AGBL1: variants seen among roughly 807,000 people sequenced by gnomAD.
The protein encoded by AGBL1 is cytosolic carboxypeptidase 4.
Under a neutral mutation model 118.9 loss-of-function variants are expected in AGBL1, and 130 were observed. That is an observed-to-expected ratio of 1.09 (90% CI 0.95 to 1.26). The LOEUF (loss-of-function observed/expected upper bound fraction) is 1.26, where lower values mean the gene tolerates loss of function less well. Among genes scored for constraint, AGBL1 ranks in the 50% most tolerant of loss-of-function variants. AGBL1 has a pLI of 0.00. For synonymous variants in AGBL1, 555 were observed against 478.9 expected (o/e 1.16, Z -2.08); for missense variants, 1,584 against 1,298.1 (o/e 1.22, Z -3.38).
chr15:86,794,180 A>G (rs1268258275), intron 22 of AGBL1, among the ~76,000 whole-genome samples: 2 of 152,246 alleles, frequency 1.3e-5, no homozygotes, highest in Non-Finnish European at 2.9e-5. Context: ...TGCAATAGCC[A>G]AGCAGTGAAA....
At chr15:86,129,194 T>C (rs910091718) in intron 1 of AGBL1, among the ~76,000 whole-genome samples, 1 of 152,248 alleles carries the variant, frequency 6.6e-6, no homozygotes, top group African/African-American at 2.4e-5. Context: ...TATTGATTTA[T>C]TTTCAAATAG....
chr15:86,792,713 G>T (rs774354341), intron 22 of AGBL1, among the ~76,000 whole-genome samples: 1 of 152,102 alleles, frequency 6.6e-6, no homozygotes, highest in African/African-American at 2.4e-5. Flanking sequence ...AGGCCGAGAT[G>T]GGAGGATTGC....
intron 22 of AGBL1, among the ~76,000 whole-genome samples, chr15:86,856,921 G>A (rs998731390): frequency 1.3e-5 from 2 of 152,196 alleles, no homozygotes; most frequent in Non-Finnish European, 2.9e-5. Context: ...CATGACTAGA[G>A]AGTGGTGAAG....
chr15:86,933,892 T>C (rs960689720), intron 23 of AGBL1, among the ~76,000 whole-genome samples: 4 of 152,218 alleles, frequency 2.6e-5, no homozygotes, highest in Non-Finnish European at 5.9e-5. Context: ...GAGATCTTGG[T>C]TGAGGTTCTA....
At chr15:86,443,356 A>G (rs1338963553) in intron 18 of AGBL1, among the ~76,000 whole-genome samples, 1 of 152,192 alleles carries the variant, frequency 6.6e-6, no homozygotes, top group Admixed American at 6.5e-5. Context: ...TCACATACTT[A>G]CGGGGTATGT....
intron 17 of AGBL1, among the ~76,000 whole-genome samples, chr15:86,353,278 C>T (rs2080660418): frequency 6.6e-6 from 1 of 152,198 alleles, no homozygotes; most frequent in Non-Finnish European, 1.5e-5. Context: ...TTTCACAAAA[C>T]TCTATTTGCA....
chr15:86,769,308 C>A (rs1262311495), intron 22 of AGBL1, among the ~76,000 whole-genome samples: 1 of 151,634 alleles, frequency 6.6e-6, no homozygotes, highest in Non-Finnish European at 1.5e-5. Flanking sequence ...AGTTCTGTAT[C>A]TTCATTATCC....
chr15:86,190,772 T>C (rs2077706980), intron 5 of AGBL1, among the ~76,000 whole-genome samples: 1 of 152,112 alleles, frequency 6.6e-6, no homozygotes. Flanking sequence ...TTATGTAGAA[T>C]GAATAAAACA....
At chr15:86,602,870 G>T (rs1003656918) in intron 21 of AGBL1, among the ~76,000 whole-genome samples, 2 of 152,138 alleles carry the variant, frequency 1.3e-5, no homozygotes, top group Non-Finnish European at 2.9e-5. Context: ...TTCCTTCTAA[G>T]TGGAATGCTA....
At chr15:86,427,804 A>G (rs1030097119) in intron 18 of AGBL1, among the ~76,000 whole-genome samples, 2 of 152,088 alleles carry the variant, frequency 1.3e-5, no homozygotes, top group Non-Finnish European at 2.9e-5. Flanking sequence ...GTTTAGGCCT[A>G]TTCTTCCCAG....
chr15:86,667,202 CTATGTATGTATCTATG>C (rs56365264), intron 21 of AGBL1, among the ~76,000 whole-genome samples: 67,379 of 130,110 alleles, frequency 0.52, 16,780 homozygotes, highest in Middle Eastern at 0.67. Context: ...ATTGAGATAT[CTATGTATGTATCTATG>C]TATGTATGTA....
chr15:86,622,157 G>A (rs1324556693), intron 21 of AGBL1, among the ~76,000 whole-genome samples: 2 of 151,964 alleles, frequency 1.3e-5, no homozygotes, highest in Non-Finnish European at 2.9e-5. Flanking sequence ...GTGAAACGTT[G>A]TCTCTACTAA....
At chr15:86,517,587 C>T (rs922990472) in intron 18 of AGBL1, among the ~76,000 whole-genome samples, 9 of 152,136 alleles carry the variant, frequency 5.9e-5, no homozygotes, top group African/African-American at 2.2e-4. Context: ...GTGATCATGC[C>T]TCTGGTAACC....
chr15:86,959,400 G>T (rs554511016), intron 23 of AGBL1, among the ~76,000 whole-genome samples: 138 of 152,072 alleles, frequency 9.1e-4, no homozygotes, highest in Non-Finnish European at 1.7e-3. Context: ...TCTAAAAAAT[G>T]TCCCTGCCTG....
chr15:86,867,271 A>G (rs2079646432), intron 22 of AGBL1, among the ~76,000 whole-genome samples: 1 of 152,176 alleles, frequency 6.6e-6, no homozygotes, highest in Non-Finnish European at 1.5e-5. Context: ...TGGTCACAGC[A>G]TAACACTTCC....
At chr15:86,415,005 C>T (rs2142015395) in intron 18 of AGBL1, among the ~76,000 whole-genome samples, 1 of 152,212 alleles carries the variant, frequency 6.6e-6, no homozygotes, top group South Asian at 2.1e-4. Context: ...GGGAATAACA[C>T]CTATGAGAGC....
At chr15:86,989,253 G>A (rs1423699722) in intron 24 of AGBL1, among the ~76,000 whole-genome samples, 1 of 151,872 alleles carries the variant, frequency 6.6e-6, no homozygotes, top group Non-Finnish European at 1.5e-5. Flanking sequence ...ATCTTACCTT[G>A]GCTTCCCAAA....
intron 5 of AGBL1, among the ~76,000 whole-genome samples, chr15:86,203,734 A>G (rs2077944558): frequency 6.6e-6 from 1 of 151,976 alleles, no homozygotes; most frequent in Non-Finnish European, 1.5e-5. Context: ...CCTTGCCATT[A>G]CCTCCATTGT....
chr15:86,538,476 T>C (rs146391308), intron 19 of AGBL1, among the ~76,000 whole-genome samples: 1 of 152,302 alleles, frequency 6.6e-6, no homozygotes, highest in East Asian at 1.9e-4. Context: ...GCTGAACGTG[T>C]CACCAATATC....
Sources: gnomAD v4.1 joint callset for allele counts (sites outside exome capture counted in the v4.1 genomes callset) on GRCh38, gnomAD v4.1.1 for gene constraint, MANE v1.5 for transcripts, NCBI Gene and HGNC (gene_info 2026-07-23, HGNC 2026-07-21) for gene names.